SLC39A12: variants seen among roughly 807,000 people sequenced by gnomAD.
SLC39A12 encodes solute carrier family 39 member 12, also known as zinc transporter ZIP12.
SLC39A12 carries 63 observed loss-of-function variants against 71.1 expected under a neutral mutation model. That is an observed-to-expected ratio of 0.89 (90% CI 0.72 to 1.09). The LOEUF (loss-of-function observed/expected upper bound fraction) is 1.09. SLC39A12 is among the 50% of genes least tolerant of loss of function. SLC39A12 has a pLI of 0.00. For missense variants in SLC39A12, 892 were observed against 812.6 expected, an observed-to-expected ratio of 1.10 and a Z score of -1.19; for synonymous variants, 351 against 301.3, an observed-to-expected ratio of 1.16 and a Z score of -1.71.
chr10:17,960,847 C>A (rs1834670626), intron 2 of SLC39A12, among the ~76,000 whole-genome samples: 1 of 152,084 alleles, frequency 6.6e-6, no homozygotes, highest in South Asian at 2.1e-4. Flanking sequence ...TATAAAATAT[C>A]TTAATTTTTA....
At position 18,000,667 on chromosome 10, in the gene SLC39A12, G is replaced by A. The variant is rs1272135579; in HGVS notation, c.1601G>A (p.Cys534Tyr). 2 of 1,613,976 alleles carry A rather than the reference G, an allele frequency of 1.2e-6. No individual in the cohort carries two copies. Among genetic ancestry groups the A allele is most frequent in the African/African-American group, 1.3e-5 (1 of 74,918 alleles). Residue 534 changes from cysteine to tyrosine, a missense_variant and splice_region_variant, in exon 11 of 13, where the codon TGT becomes TAT. Physicochemically the swap from Cys to Tyr is radical, Grantham distance 194. Coordinates refer to ENST00000377369, the MANE Select transcript of SLC39A12 (RefSeq NM_001145195.2). Reference protein sequence around the residue: ...IGSMTASNRKCKAISLLAIMI... With the variant: ...IGSMTASNRKYKAISLLAIMI... ...CTTCTGTGTTTATTTGGTTCCTTAG[G>A]TAAAGCCATTAGCTTGTTAGCAATC... is the stretch of plus-strand genomic sequence containing the variant.
intron 12 of SLC39A12, among the ~76,000 whole-genome samples, chr10:18,029,585 TCTG>T (rs1291530717): frequency 2.6e-5 from 4 of 152,210 alleles, no homozygotes; most frequent in Non-Finnish European, 5.9e-5. Context: ...GCAAGACACT[TCTG>T]CTAAAATGTC....
intron 7 of SLC39A12, 131 bp from the exon 8 acceptor site, chr10:17,991,020 A>T: frequency 1.1e-6 from 1 of 903,962 alleles, no homozygotes; most frequent in Non-Finnish European, 1.6e-6. Context: ...TGATTGTATT[A>T]ATAGTTGTCA....
chr10:18,037,911 G>A (rs117320028), intron 12 of SLC39A12, among the ~76,000 whole-genome samples: 3 of 149,826 alleles, frequency 2.0e-5, no homozygotes, highest in Non-Finnish European at 3.0e-5. Context: ...TCCCAGCTAC[G>A]TGGGCGACTG....
chr10:17,953,567 A>G, intron 2 of SLC39A12, 30 bp downstream of exon 2: 4 of 1,609,008 alleles, frequency 2.5e-6, no homozygotes, highest in Non-Finnish European at 3.4e-6. Context: ...GTCAGGTATC[A>G]GGGCATGTCC....
intron 12 of SLC39A12, among the ~76,000 whole-genome samples, chr10:18,032,845 A>C (rs1159607235): frequency 2.8e-5 from 4 of 143,060 alleles, no homozygotes; most frequent in Non-Finnish European, 1.5e-5. Context: ...ATTTATTGAG[A>C]GTTTTTAGCA....
intron 12 of SLC39A12, among the ~76,000 whole-genome samples, chr10:18,009,257 A>G (rs16916771): frequency 0.016 from 2,423 of 152,216 alleles, 59 homozygotes; most frequent in African/African-American, 0.055. Flanking sequence ...AATGGGGGGA[A>G]CTGGACAACT....
chr10:17,954,752 A>G (rs1212344335), intron 2 of SLC39A12, among the ~76,000 whole-genome samples: 2 of 151,692 alleles, frequency 1.3e-5, no homozygotes, highest in African/African-American at 4.9e-5. Context: ...GCATACATAA[A>G]TAAGTAAAAC....
Position 17,953,429 on chromosome 10 carries a change from T to A in SLC39A12, c.153T>A (p.Ser51=), listed in dbSNP as rs782564100. 1.2e-6 allele frequency: 2 copies of A among 1,614,178 alleles called. No homozygotes were observed. Among genetic ancestry groups the A allele is most frequent in the South Asian group, 1.1e-5 (1 of 91,080 alleles). The part of the protein sequence containing the change: ...GQPADLLQVL[S]AGDHPPHNHS... ...CGGCAGACCTGCTACAGGTTCTCTC[T>A]GCTGGTGACCACCCACCCCACAACC... Residue 51 remains serine (S), a synonymous_variant, in exon 2 of 13, where the codon TCT becomes TCA. Transcript: ENST00000377369.
At chr10:18,038,490 A>G (rs1450808822) in intron 12 of SLC39A12, among the ~76,000 whole-genome samples, 1 of 152,092 alleles carries the variant, frequency 6.6e-6, no homozygotes, top group Non-Finnish European at 1.5e-5. Flanking sequence ...GTCTCTACTA[A>G]AAACACAAAA....
intron 9 of SLC39A12, among the ~76,000 whole-genome samples, chr10:17,994,820 C>G (rs774471797): frequency 6.6e-6 from 1 of 152,176 alleles, no homozygotes; most frequent in Non-Finnish European, 1.5e-5. Flanking sequence ...TACACACACA[C>G]AAAATGCATT....
At chr10:17,997,034 A>AAAG (rs1564651089) in intron 10 of SLC39A12, among the ~76,000 whole-genome samples, 1 of 150,376 alleles carries the variant, frequency 6.6e-6, no homozygotes, top group Non-Finnish European at 1.5e-5. Flanking sequence ...AAAAAAAAAA[A>AAAG]AAAGAAAAAG....
At chr10:17,978,124 C>A in intron 5 of SLC39A12, 50 bp downstream of exon 5, 2 of 1,434,308 alleles carry the variant, frequency 1.4e-6, no homozygotes, top group South Asian at 1.4e-5. Context: ...TCAAAGGAAG[C>A]CCAGCTGTGA....
chr10:18,038,654 A>AAAAT lies in SLC39A12; in HGVS notation c.1948-4023_1948-4020dup, dbSNP rs141486316. ...GCCACAAGAGTGAAACTCTGTCTCA[A>AAAAT]AAATAAATAAATAAATAAATAAATA... On this transcript the variant is annotated intron_variant, in intron 12 of 12. Transcript: ENST00000377369. Among the ~76,000 whole-genome samples the AAAAT allele has an allele frequency of 3.4e-3, 517 of 150,208 alleles. 6 individuals carry two copies. In the Middle Eastern group the frequency reaches 0.034, roughly 10 times the overall value.
At chr10:18,014,835 T>A (rs1836331198) in intron 12 of SLC39A12, among the ~76,000 whole-genome samples, 1 of 152,188 alleles carries the variant, frequency 6.6e-6, no homozygotes, top group Admixed American at 6.6e-5. Context: ...TAACACAGGT[T>A]TACAAATCTG....
chr10:18,036,709 C>G (rs1380328985), intron 12 of SLC39A12, among the ~76,000 whole-genome samples: 1 of 141,228 alleles, frequency 7.1e-6, no homozygotes, highest in East Asian at 2.2e-4. Context: ...AGCCTAATAA[C>G]TATATCATTG....
intron 12 of SLC39A12, among the ~76,000 whole-genome samples, chr10:18,022,040 G>A: frequency 6.6e-6 from 1 of 152,244 alleles, no homozygotes; most frequent in South Asian, 2.1e-4. Context: ...CTCTCTAGCT[G>A]CCTTTAATAT....
intron 4 of SLC39A12, among the ~76,000 whole-genome samples, chr10:17,969,089 G>C (rs1218718355): frequency 6.6e-6 from 1 of 152,160 alleles, no homozygotes; most frequent in Admixed American, 6.5e-5. Flanking sequence ...GTGTTTTCCA[G>C]TTTCATCCAT....
chr10:18,022,917 G>A (rs963125706), intron 12 of SLC39A12, among the ~76,000 whole-genome samples: 1 of 152,136 alleles, frequency 6.6e-6, no homozygotes, highest in Non-Finnish European at 1.5e-5. Context: ...ATTTTTTGGT[G>A]TTGAAATTTG....
Sources: gnomAD v4.1 joint callset for allele counts (sites outside exome capture counted in the v4.1 genomes callset) on GRCh38, gnomAD v4.1.1 for gene constraint, MANE v1.5 for transcripts, NCBI Gene and HGNC (gene_info 2026-07-23, HGNC 2026-07-21) for gene names.